The following ATXN8OS variants were observed in gnomAD, a reference collection of about 807,000 sequenced individuals.
ATXN8OS encodes ATXN8 opposite strand lncRNA.
At chr13:70,157,504 CT>C (rs67626485) in intron 4 of ATXN8OS, among the ~76,000 whole-genome samples, 74,518 of 151,126 alleles carry the variant, frequency 0.49, 20,687 homozygotes, top group Non-Finnish European at 0.64. Context: ...ACTCACATGA[CT>C]AAGATATCCA....
chr13:70,112,996 C>G (rs1476768284), intron 1 of ATXN8OS, among the ~76,000 whole-genome samples: 1 of 144,148 alleles, frequency 6.9e-6, no homozygotes, highest in East Asian at 2.1e-4. Context: ...GATTCCTGCT[C>G]ACTGCAACCT....
At chr13:70,107,485 G>T (rs779782206), upstream of ATXN8OS, 5 of 1,613,486 alleles carry the variant, frequency 3.1e-6, no homozygotes, top group Non-Finnish European at 4.2e-6. Context: ...AGAGGAGGAA[G>T]GCTTCTTCCA....
chr13:70,110,015 T>A (rs1250807614), intron 1 of ATXN8OS, among the ~76,000 whole-genome samples: 1 of 152,196 alleles, frequency 6.6e-6, no homozygotes, highest in Non-Finnish European at 1.5e-5. Context: ...AAAATTTATT[T>A]GTTATTCTAA....
intron 4 of ATXN8OS, among the ~76,000 whole-genome samples, chr13:70,161,856 T>G (rs1178307300): frequency 6.6e-6 from 1 of 152,040 alleles, no homozygotes; most frequent in Non-Finnish European, 1.5e-5. Flanking sequence ...GTTTCAATAT[T>G]GACATCAATT....
intron 2 of ATXN8OS, among the ~76,000 whole-genome samples, chr13:70,123,270 T>C (rs372690986): frequency 2.4e-4 from 36 of 152,114 alleles, no homozygotes; most frequent in African/African-American, 8.0e-4. Flanking sequence ...GGAATAATTG[T>C]GCATCTTAAC....
At chr13:70,163,112 A>G (rs551889064) in intron 4 of ATXN8OS, among the ~76,000 whole-genome samples, 1 of 152,256 alleles carries the variant, frequency 6.6e-6, no homozygotes, top group Admixed American at 6.5e-5. Context: ...AATTATAATA[A>G]CAATAATAGT....
chr13:70,108,130 G>T (rs1888123191), intron 1 of ATXN8OS: 2 of 404,466 alleles, frequency 4.9e-6, no homozygotes, highest in Admixed American at 4.1e-5. Context: ...TTGTGGCAGA[G>T]CCTTAGTAGG....
intron 2 of ATXN8OS, among the ~76,000 whole-genome samples, chr13:70,123,839 G>A (rs1435878869): frequency 6.6e-6 from 1 of 152,004 alleles, no homozygotes; most frequent in Non-Finnish European, 1.5e-5. Flanking sequence ...ATTTATTTAA[G>A]ATCAGAATAT....
At chr13:70,134,420 G>A (rs1340152004) in intron 3 of ATXN8OS, among the ~76,000 whole-genome samples, 1 of 152,176 alleles carries the variant, frequency 6.6e-6, no homozygotes, top group African/African-American at 2.4e-5. Context: ...ATGCTGCACA[G>A]GCAGGTACAG....
At chr13:70,125,856 C>T (rs530707298) in intron 2 of ATXN8OS, among the ~76,000 whole-genome samples, 1 of 152,184 alleles carries the variant, frequency 6.6e-6, no homozygotes, top group Admixed American at 6.5e-5. Context: ...TACATATAAC[C>T]GAGAATACCT....
chr13:70,131,163 T>G (rs1057287858), intron 3 of ATXN8OS: 1 of 398,490 alleles, frequency 2.5e-6, no homozygotes, highest in South Asian at 1.3e-4. Context: ...AATGGTGTCC[T>G]AAGGAAAGTC....
chr13:70,161,167 C>T lies in ATXN8OS; in HGVS notation n.574-8586C>T, dbSNP rs1342228161. On this transcript the variant is annotated intron_variant and non_coding_transcript_variant, in intron 4 of 4. Transcript: ENST00000678624. ...TAATGATTGAATTGAAAAAAAAAATCTAAGGTTAAACTGAAAAATTACCCA... is the reference window on the plus strand; with the variant it reads ...TAATGATTGAATTGAAAAAAAAAATTTAAGGTTAAACTGAAAAATTACCCA... Among the ~76,000 whole-genome samples, 8 of 151,350 alleles carry T rather than the reference C, an allele frequency of 5.3e-5. No homozygotes were observed. The East Asian group carries it at 1.4e-3, about 26-fold the overall frequency.
chr13:70,143,324 C>T (rs1888741154), intron 3 of ATXN8OS, among the ~76,000 whole-genome samples: 1 of 151,842 alleles, frequency 6.6e-6, no homozygotes, highest in Non-Finnish European at 1.5e-5. Context: ...GAGGTATCAC[C>T]CAGAGGAATT....
chr13:70,155,587 C>A (rs1888926245), intron 4 of ATXN8OS, among the ~76,000 whole-genome samples: 1 of 152,138 alleles, frequency 6.6e-6, no homozygotes, highest in Admixed American at 6.6e-5. Flanking sequence ...GGGAGAAACA[C>A]CTTTCTCCAT....
chr13:70,117,381 T>G (rs1162718485), intron 2 of ATXN8OS, among the ~76,000 whole-genome samples: 1 of 152,116 alleles, frequency 6.6e-6, no homozygotes, highest in African/African-American at 2.4e-5. Flanking sequence ...AAAAAAACTA[T>G]GCTTTTTCCT....
At chr13:70,159,466 A>G (rs1193641310) in intron 4 of ATXN8OS, among the ~76,000 whole-genome samples, 1 of 152,128 alleles carries the variant, frequency 6.6e-6, no homozygotes, top group Non-Finnish European at 1.5e-5. Context: ...TCTATTGAAT[A>G]TGATATTCTT....
intron 2 of ATXN8OS, among the ~76,000 whole-genome samples, chr13:70,120,377 T>C (rs1432997601): frequency 1.3e-5 from 2 of 152,162 alleles, no homozygotes; most frequent in Admixed American, 6.5e-5. Flanking sequence ...ATTTAACTAA[T>C]GTAACATTTG....
At chr13:70,119,415 T>G (rs897135480) in intron 2 of ATXN8OS, among the ~76,000 whole-genome samples, 2 of 152,106 alleles carry the variant, frequency 1.3e-5, no homozygotes, top group African/African-American at 4.8e-5. Flanking sequence ...CTTATAAGAT[T>G]GTCTTTCTCT....
chr13:70,151,331 C>A (rs530881744), intron 4 of ATXN8OS, among the ~76,000 whole-genome samples: 1 of 152,206 alleles, frequency 6.6e-6, no homozygotes, highest in Admixed American at 6.5e-5. Context: ...AACTGACATT[C>A]TATTATCTGC....
Sources: allele counts gnomAD v4.1 joint callset (sites outside exome capture counted in the v4.1 genomes callset), GRCh38; gene constraint gnomAD v4.1.1; transcripts MANE v1.5; gene names NCBI Gene and HGNC (gene_info 2026-07-23, HGNC 2026-07-21).